The following DDX60 variants were observed in gnomAD, a reference collection of about 807,000 sequenced individuals.
DDX60 encodes the protein probable ATP-dependent RNA helicase DDX60.
A neutral mutation model predicts 212.8 loss-of-function variants in DDX60; 165 were observed. The observed-to-expected ratio is 0.78, with a 90% CI of 0.68 to 0.88. DDX60 has a LOEUF of 0.88. DDX60 is among the 40% of genes least tolerant of loss of function. DDX60 has a pLI of 0.00. For missense variants in DDX60, 1,905 were observed against 2,003.9 expected (o/e 0.95, Z 0.94); for synonymous variants, 703 against 685.3 (o/e 1.03, Z -0.40).
At chr4:168,301,530 A>G (rs1292875841) in intron 6 of DDX60, among the ~76,000 whole-genome samples, 1 of 152,174 alleles carries the variant, frequency 6.6e-6, no homozygotes, top group Non-Finnish European at 1.5e-5. Flanking sequence ...GATAATTATA[A>G]TGTTGGATTT....
At chr4:168,277,826 A>G (rs926831705) in intron 14 of DDX60, among the ~76,000 whole-genome samples, 9 of 148,182 alleles carry the variant, frequency 6.1e-5, no homozygotes, top group Admixed American at 2.6e-4. Context: ...AAAAAAGAAA[A>G]AAAAAAAAAA....
intron 6 of DDX60, among the ~76,000 whole-genome samples, chr4:168,299,428 AAAC>A (rs978232793): frequency 3.9e-5 from 6 of 152,006 alleles, no homozygotes; most frequent in African/African-American, 1.4e-4. Context: ...AATCTAAAAG[AAAC>A]AACAACATAA....
At chr4:168,268,615 G>A (rs1034833398) in intron 20 of DDX60, among the ~76,000 whole-genome samples, 19 of 152,124 alleles carry the variant, frequency 1.2e-4, no homozygotes, top group Admixed American at 1.0e-3. Flanking sequence ...TCATTTTTGG[G>A]ATGGGGGAAA....
At chr4:168,309,465 G>C (rs761359309) in intron 3 of DDX60, among the ~76,000 whole-genome samples, 1 of 149,444 alleles carries the variant, frequency 6.7e-6, no homozygotes, top group Admixed American at 6.7e-5. Context: ...TGAAGGCATT[G>C]TTGCAGCAGT....
intron 6 of DDX60, among the ~76,000 whole-genome samples, chr4:168,301,715 T>C (rs969004013): frequency 6.6e-6 from 1 of 152,118 alleles, no homozygotes; most frequent in African/African-American, 2.4e-5. Context: ...ACTGTGGACA[T>C]TAAAGTGAAT....
rs760642031 is a variant in DDX60 at position 168,225,553 on chromosome 4, A to T, written c.4657T>A (p.Tyr1553Asn). 6.8e-6 allele frequency: 11 copies of T among 1,608,426 alleles called. No individual in the cohort carries two copies. The South Asian group carries it at 1.2e-4, about 18-fold the overall frequency. Residue 1553 changes from tyrosine (Y) to asparagine (N), a missense_variant, in exon 34 of 38, where the codon TAT becomes AAT. Transcript: ENST00000393743. ...CTGATTTTTGACAATGGGAGTTGAT[A>T]TTCCTGATTCATATCAGCCAGTTTG... ...VSKLADMNQEYQLPLSKIKFT... is the reference protein window; with the variant it reads ...VSKLADMNQENQLPLSKIKFT...
chr4:168,278,705 T>C (rs145559296), intron 14 of DDX60, among the ~76,000 whole-genome samples: 1 of 152,142 alleles, frequency 6.6e-6, no homozygotes, highest in Non-Finnish European at 1.5e-5. Context: ...GGTGTGTGCA[T>C]GCAGTCCCAG....
At chr4:168,270,353 A>G (rs1343358513) in intron 19 of DDX60, among the ~76,000 whole-genome samples, 1 of 152,242 alleles carries the variant, frequency 6.6e-6, no homozygotes, top group African/African-American at 2.4e-5. Context: ...TACCTATTAG[A>G]ATATGCATAC....
chr4:168,244,026 T>A (rs1009817190), intron 30 of DDX60, among the ~76,000 whole-genome samples: 1 of 152,178 alleles, frequency 6.6e-6, no homozygotes, highest in East Asian at 1.9e-4. Flanking sequence ...ACACCACATG[T>A]TCTCACTTAT....
At chr4:168,235,233 T>C (rs1408595436) in intron 33 of DDX60, among the ~76,000 whole-genome samples, 2 of 151,998 alleles carry the variant, frequency 1.3e-5, no homozygotes, top group Non-Finnish European at 2.9e-5. Flanking sequence ...CTCAAACTCC[T>C]GGGCTCAAGC....
chr4:168,230,627 T>G (rs1431802948), intron 33 of DDX60, among the ~76,000 whole-genome samples: 8 of 152,140 alleles, frequency 5.3e-5, no homozygotes, highest in African/African-American at 1.7e-4. Context: ...ACTTAAAAAG[T>G]CTTTGAATTG....
intron 19 of DDX60, among the ~76,000 whole-genome samples, chr4:168,271,751 G>A (rs1735106160): frequency 6.6e-6 from 1 of 152,168 alleles, no homozygotes; most frequent in South Asian, 2.1e-4. Context: ...TCTCTGTCCA[G>A]GGAAACTTGT....
Position 168,224,282 on chromosome 4 carries a change from G to T in DDX60, c.4785C>A (p.Asn1595Lys). The change falls in exon 35 of 38, where the codon AAC becomes AAA. Residue 1595 changes from asparagine to lysine, a missense_variant. Asn to Lys is a moderately conservative substitution (Grantham distance 94). Coordinates refer to ENST00000393743, the MANE Select transcript of DDX60 (RefSeq NM_017631.6). Reference sequence around the variant, plus strand: ...CTAGTCGAAGCAAATCATCATCAAAGTTCCCAGACAGACAAACAAATGGTG... The same window carrying T: ...CTAGTCGAAGCAAATCATCATCAAATTTCCCAGACAGACAAACAAATGGTG... ...AISPFVCLSGNFDDDLLRLET... is the reference protein window; with the variant it reads ...AISPFVCLSGKFDDDLLRLET... 6.2e-7 allele frequency: 1 copy of T among 1,612,436 alleles called. No individual in the cohort carries two copies. Among genetic ancestry groups the T allele is most frequent in the Non-Finnish European group, 8.5e-7 (1 of 1,178,952 alleles).
intron 36 of DDX60, among the ~76,000 whole-genome samples, chr4:168,221,229 C>T (rs186811395): frequency 1.3e-5 from 2 of 152,206 alleles, no homozygotes; most frequent in East Asian, 3.9e-4. Context: ...TCTATGTGCT[C>T]AGTGCCCAAG....
At chr4:168,295,543 A>G (rs938881081) in intron 6 of DDX60, among the ~76,000 whole-genome samples, 7 of 152,182 alleles carry the variant, frequency 4.6e-5, no homozygotes, top group East Asian at 3.9e-4. Flanking sequence ...TTTTTTGTCT[A>G]TAAGTTTGTT....
intron 1 of DDX60, among the ~76,000 whole-genome samples, chr4:168,313,867 A>C (rs1290405776): frequency 1.3e-5 from 2 of 152,220 alleles, no homozygotes; most frequent in East Asian, 3.8e-4. Context: ...GATTAAAAGG[A>C]ATAATATAGT....
At position 168,225,764 on chromosome 4, in the gene DDX60, C is replaced by T. The variant is rs1326267960; in HGVS notation, c.4534-88G>A. The T allele has an allele frequency of 6.7e-6, 8 of 1,194,800 alleles. No individual in the cohort carries two copies. The African/African-American group carries it at 7.9e-5, about 12-fold the overall frequency. The allele number at this position is 1,194,800 out of a possible 1,614,324, so 74.0% of individuals were successfully genotyped here. On this transcript the variant is annotated intron_variant, in intron 33 of 37. Transcript: ENST00000393743. ...GGAAGAAGAAAGGTAAAGAACATTG[C>T]AATATAATTCTATAGTTATCTATTA...
chr4:168,266,663 C>T (rs1304870731), intron 22 of DDX60, among the ~76,000 whole-genome samples: 1 of 152,022 alleles, frequency 6.6e-6, no homozygotes, highest in Non-Finnish European at 1.5e-5. Flanking sequence ...TAAGATATCC[C>T]CAGTGAATGA....
At chr4:168,317,841 T>G (rs907390927) in intron 1 of DDX60, among the ~76,000 whole-genome samples, 1 of 152,122 alleles carries the variant, frequency 6.6e-6, no homozygotes. Context: ...TCTAAAGACA[T>G]GGGAACCCCC....
Sources: allele counts gnomAD v4.1 joint callset (sites outside exome capture counted in the v4.1 genomes callset), GRCh38; gene constraint gnomAD v4.1.1; transcripts MANE v1.5; gene names NCBI Gene and HGNC (gene_info 2026-07-23, HGNC 2026-07-21).